SAMD5: variants seen among roughly 807,000 people sequenced by gnomAD.
SAMD5 encodes sterile alpha motif domain-containing protein 5.
A neutral mutation model predicts 11.3 loss-of-function variants in SAMD5; 13 were observed. The observed-to-expected ratio is 1.15, with a 90% CI of 0.75 to 1.83. The LOEUF (loss-of-function observed/expected upper bound fraction) is 1.83. Among genes scored for constraint, SAMD5 ranks in the 40% most tolerant of loss-of-function variants. SAMD5 has a pLI of 0.00. For synonymous variants in SAMD5, 129 were observed against 111.3 expected (o/e 1.16, Z -1.00); for missense variants, 255 against 239.1 (o/e 1.07, Z -0.44).
the SAMD5 span, among the ~76,000 whole-genome samples, chr6:147,769,909 A>G: frequency 6.6e-6 from 1 of 152,188 alleles, no homozygotes; most frequent in East Asian, 1.9e-4. Flanking sequence ...AATGGCGCAG[A>G]GTGTGCATGA....
chr6:147,518,855 G>A (rs186427920), intron 1 of SAMD5, among the ~76,000 whole-genome samples: 2 of 152,296 alleles, frequency 1.3e-5, no homozygotes, highest in African/African-American at 4.8e-5. Flanking sequence ...TTTGGACTTG[G>A]GGAGGCCTGA....
the SAMD5 span, among the ~76,000 whole-genome samples, chr6:147,783,379 AT>A: frequency 0.36 from 39,467 of 110,710 alleles, 6,088 homozygotes; most frequent in African/African-American, 0.5. Flanking sequence ...TTGAAAATAC[AT>A]TTTTTTTTTT....
At chr6:147,695,362 C>T (rs542215661) in intron 1 of SAMD5, among the ~76,000 whole-genome samples, 59 of 152,084 alleles carry the variant, frequency 3.9e-4, no homozygotes, top group African/African-American at 1.4e-3. Flanking sequence ...GCCTTCGTTA[C>T]GCTTAGGCCA....
chr6:147,900,043 T>C, the SAMD5 span, among the ~76,000 whole-genome samples: 5 of 152,256 alleles, frequency 3.3e-5, no homozygotes, highest in Middle Eastern at 3.4e-3. Flanking sequence ...GGTAGTTTCA[T>C]TGGACTTTAT....
the SAMD5 span, among the ~76,000 whole-genome samples, chr6:147,879,958 C>A: frequency 1.3e-5 from 2 of 152,156 alleles, no homozygotes; most frequent in Non-Finnish European, 2.9e-5. Flanking sequence ...CAACCCTTAC[C>A]CCTTTGTTAT....
intron 1 of SAMD5, among the ~76,000 whole-genome samples, chr6:147,632,545 G>A (rs1263993546): frequency 2.0e-5 from 3 of 152,216 alleles, no homozygotes; most frequent in South Asian, 4.2e-4. Flanking sequence ...GATTTTGAGG[G>A]CCTCTAAAAG....
rs1789039714 is a variant in SAMD5, at chr6:147,566,306, G to GAAC, written c.*1851_*1853dup. ...TTTCATCTTTTTTTTTTTTCCAAAT[G>GAAC]AACTAGGGTCTTTAAAATTCCTAAG... On this transcript the variant is annotated 3_prime_UTR_variant, in exon 2 of 2. Coordinates refer to ENST00000367474, the MANE Select transcript of SAMD5 (RefSeq NM_001030060.3). 1.0e-6 allele frequency: 1 copy of GAAC among 963,818 alleles called. No homozygotes were observed. The highest frequency in any genetic ancestry group is 6.2e-5 in the Admixed American group (1 of 16,058). The allele number at this position is 963,818 out of a possible 1,614,324, so 59.7% of individuals were successfully genotyped here. A position where few individuals can be genotyped will look rare whatever the true frequency, so the allele number is the denominator to read the frequency against.
At chr6:147,840,091 CAAAGG>C in the SAMD5 span, among the ~76,000 whole-genome samples, 2 of 152,196 alleles carry the variant, frequency 1.3e-5, no homozygotes, top group African/African-American at 4.8e-5. Context: ...TAGCATTCAT[CAAAGG>C]AAATGTCTGT....
At chr6:147,790,381 C>T in the SAMD5 span, among the ~76,000 whole-genome samples, 1 of 152,310 alleles carries the variant, frequency 6.6e-6, no homozygotes, top group South Asian at 2.1e-4. Context: ...AAACCTCTCA[C>T]GTCTAAGTCC....
chr6:147,745,396 C>A, the SAMD5 span, among the ~76,000 whole-genome samples: 2 of 152,140 alleles, frequency 1.3e-5, no homozygotes, highest in African/African-American at 4.8e-5. Flanking sequence ...GAGTTCTTAA[C>A]AATGATATCT....
At chr6:147,554,177 G>T (rs1055357852) in intron 1 of SAMD5, among the ~76,000 whole-genome samples, 2 of 152,172 alleles carry the variant, frequency 1.3e-5, no homozygotes, top group Non-Finnish European at 2.9e-5. Context: ...GAAACCTTCA[G>T]ATCCTGCAGG....
the SAMD5 span, among the ~76,000 whole-genome samples, chr6:147,900,641 C>G: frequency 1.1e-4 from 16 of 151,946 alleles, no homozygotes; most frequent in Non-Finnish European, 2.1e-4. Flanking sequence ...CAGAAACCCT[C>G]TCTGTTTTTT....
At chr6:147,555,513 T>A (rs1218634499) in intron 1 of SAMD5, among the ~76,000 whole-genome samples, 2 of 152,234 alleles carry the variant, frequency 1.3e-5, no homozygotes, top group African/African-American at 4.8e-5. Flanking sequence ...GATAGTTTCA[T>A]ACTGCCTAAA....
At chr6:147,908,186 G>A in the SAMD5 span, among the ~76,000 whole-genome samples, 1 of 152,156 alleles carries the variant, frequency 6.6e-6, no homozygotes, top group Non-Finnish European at 1.5e-5. Context: ...GCAAAACAGA[G>A]CAGCAGGTGA....
chr6:147,592,683 T>C (rs1789473379), intron 1 of SAMD5, among the ~76,000 whole-genome samples: 1 of 151,876 alleles, frequency 6.6e-6, no homozygotes, highest in African/African-American at 2.4e-5. Context: ...CTGGGCAAGA[T>C]GCTTAGCATT....
intron 1 of SAMD5, among the ~76,000 whole-genome samples, chr6:147,628,915 T>C (rs1413347965): frequency 1.3e-5 from 2 of 152,136 alleles, no homozygotes; most frequent in Admixed American, 6.6e-5. Context: ...CATTCTCCAG[T>C]GGAATGTCAC....
chr6:147,580,030 A>G (rs1303980858), intron 1 of SAMD5, among the ~76,000 whole-genome samples: 1 of 152,206 alleles, frequency 6.6e-6, no homozygotes, highest in Non-Finnish European at 1.5e-5. Context: ...AGGGAGTATC[A>G]AAATGCAAGT....
At chr6:147,588,744 C>T (rs1000083648) in intron 1 of SAMD5, among the ~76,000 whole-genome samples, 1 of 152,064 alleles carries the variant, frequency 6.6e-6, no homozygotes, top group Non-Finnish European at 1.5e-5. Flanking sequence ...CTTATCAAGA[C>T]GTTATACCAG....
intron 1 of SAMD5, among the ~76,000 whole-genome samples, chr6:147,661,226 C>T (rs1790644446): frequency 6.6e-6 from 1 of 152,000 alleles, no homozygotes; most frequent in Non-Finnish European, 1.5e-5. Context: ...CCTTAAAGGG[C>T]ATTTACATCT....
Sources: gnomAD v4.1 joint callset for allele counts (sites outside exome capture counted in the v4.1 genomes callset) on GRCh38, gnomAD v4.1.1 for gene constraint, MANE v1.5 for transcripts, NCBI Gene and HGNC (gene_info 2026-07-23, HGNC 2026-07-21) for gene names.